TOR1B: variants seen among roughly 807,000 people sequenced by gnomAD.
TOR1B encodes the protein torsin family 1 member B.
TOR1B carries 14 observed loss-of-function variants against 29.2 expected under a neutral mutation model. The ratio of observed to expected loss-of-function variants is 0.48; its 90% CI spans 0.32 to 0.75. The LOEUF (loss-of-function observed/expected upper bound fraction) is 0.75. Among genes scored for constraint, TOR1B ranks in the 30% least tolerant of loss-of-function variants. The probability of loss-of-function intolerance (pLI) is 0.04; values close to 1 mark genes in which losing one functional copy is unlikely to be tolerated. For missense variants in TOR1B, 400 were observed against 433.9 expected (o/e 0.92, Z 0.69); for synonymous variants, 166 against 179.8 (o/e 0.92, Z 0.62).
intron 3 of TOR1B, among the ~76,000 whole-genome samples, chr9:129,808,391 CAGG>C (rs1008376390): frequency 6.6e-6 from 1 of 151,366 alleles, no homozygotes; most frequent in Admixed American, 6.6e-5. Flanking sequence ...CCCAGCTACT[CAGG>C]AGGTTGAGGC....
At chr9:129,807,467 C>A in intron 3 of TOR1B, 104 bp downstream of exon 3, 2 of 1,416,290 alleles carry the variant, frequency 1.4e-6, no homozygotes, top group Non-Finnish European at 1.9e-6. Context: ...GACGAAAGTG[C>A]CTGCTTGGCA....
intron 4 of TOR1B, among the ~76,000 whole-genome samples, 154 bp downstream of exon 4, chr9:129,809,186 T>C (rs2030684713): frequency 6.6e-6 from 1 of 152,130 alleles, no homozygotes; most frequent in South Asian, 2.1e-4. Flanking sequence ...TAGAAACCAG[T>C]GAGTGAGTGT....
Position 129,804,088 on chromosome 9 carries a change from TGGA to T in TOR1B, c.220_222del (p.Glu74del), listed in dbSNP as rs762436304. 15 of 1,614,074 alleles carry T rather than the reference TGGA, an allele frequency of 9.3e-6. No homozygotes were observed. Among genetic ancestry groups the T allele is most frequent in the South Asian group, 2.2e-5 (2 of 91,092 alleles). ...GTTCTTGCAGCTCTCAAGCTGGATT[TGGA>T]GGAGAAGCTGTTTGGACAGCATCTA... On this transcript the variant is annotated inframe_deletion, in exon 2 of 5. Transcript: ENST00000259339.
At position 129,809,423 on chromosome 9, in the gene TOR1B, T is replaced by C. The variant is rs199781534; in HGVS notation, c.851T>C (p.Val284Ala). 1 of 1,614,046 alleles carries C rather than the reference T, an allele frequency of 6.2e-7. No homozygotes were observed. The highest frequency in any genetic ancestry group is 2.2e-5 in the East Asian group (1 of 44,882). The change falls in exon 5 of 5, where the codon GTG becomes GCG. Residue 284 changes from valine to alanine, a missense_variant. Transcript: ENST00000259339. ...TTCCTGCCTTTGGAGTACAGACATG[T>C]GAAAATGTGTGTGAGGGCCGAGATG... ...IPFLPLEYRH[V>A]KMCVRAEMRA...
At chr9:129,806,626 C>T (rs544967639) in intron 2 of TOR1B, among the ~76,000 whole-genome samples, 1 of 152,220 alleles carries the variant, frequency 6.6e-6, no homozygotes, top group Non-Finnish European at 1.5e-5. Context: ...CCTGTAATCT[C>T]AGCACTTTGG....
Position 129,810,014 on chromosome 9 carries a change from GACAGAAGTACCTGAAA to G in TOR1B, c.*436_*451del. On this transcript the variant is annotated 3_prime_UTR_variant, in exon 5 of 5. Transcript: ENST00000259339. The stretch of plus-strand genomic sequence containing the variant: ...CCTTCACACTTAATGTACTGACCGA[GACAGAAGTACCTGAAA>G]ACAGCTGTGCATGGCAGGCCCGGCA... 1 of 1,200,696 alleles carries G rather than the reference GACAGAAGTACCTGAAA, an allele frequency of 8.3e-7. No homozygotes were observed. The highest frequency in any genetic ancestry group is 1.5e-5 in the South Asian group (1 of 65,662). 74.4% of individuals were successfully genotyped at this position (1,200,696 alleles called of 1,614,324 possible). A position where few individuals can be genotyped will look rare whatever the true frequency, so the allele number is the denominator to read the frequency against.
Position 129,807,344 on chromosome 9 carries a change from G to A in TOR1B, c.622G>A (p.Ala208Thr), listed in dbSNP as rs1362959966. The A allele has an allele frequency of 6.2e-7, 1 of 1,614,038 alleles. No homozygotes were observed. Among genetic ancestry groups the A allele is most frequent in the Non-Finnish European group, 8.5e-7 (1 of 1,179,974 alleles). ...GGTTGACGGAGTGTCTTACCGCAAA[G>A]CCATCTTCATCTTTCTCAGGTCAGC... ...EQVDGVSYRK[A>T]IFIFLSNAGG... Residue 208 changes from alanine to threonine, a missense_variant, in exon 3 of 5, where the codon GCC (alanine) becomes ACC (threonine). Physicochemically the swap from Ala to Thr is moderately conservative, Grantham distance 58. Coordinates refer to ENST00000259339, the MANE Select transcript of TOR1B (RefSeq NM_014506.3).
rs559947930 is a variant in TOR1B, at chr9:129,809,902, C to T, written c.*319C>T. 8.5e-5 allele frequency: 106 copies of T among 1,242,082 alleles called. No homozygotes were observed. In the African/African-American group the frequency reaches 1.3e-3, roughly 15 times the overall value. The allele number at this position is 1,242,082 out of a possible 1,614,324, so 76.9% of individuals were successfully genotyped here. On this transcript the variant is annotated 3_prime_UTR_variant, in exon 5 of 5. Coordinates refer to ENST00000259339, the MANE Select transcript of TOR1B (RefSeq NM_014506.3). ...ATCTAAGAGTTGATTGTGGAAAACA[C>T]GTGAATCTATTGCGCGCATTTGTCA... is the stretch of plus-strand genomic sequence containing the variant.
chr9:129,809,809 C>G lies in TOR1B; in HGVS notation c.*226C>G. On this transcript the variant is annotated 3_prime_UTR_variant, in exon 5 of 5. Transcript: ENST00000259339. ...ACCTCCGCTCCCGGTTTGAGTGATT[C>G]TCATGCCTCAGCCTCCCGAGTAGCT... is the stretch of plus-strand genomic sequence containing the variant. 5 of 1,383,024 alleles carry G rather than the reference C, an allele frequency of 3.6e-6. No individual in the cohort carries two copies. The highest frequency in any genetic ancestry group is 4.7e-6 in the Non-Finnish European group (5 of 1,067,606). 85.7% of individuals were successfully genotyped at this position (1,383,024 alleles called of 1,614,324 possible).
At position 129,810,469 on chromosome 9, in the gene TOR1B, A is replaced by G; in HGVS notation, c.*886A>G. 3 of 1,154,612 alleles carry G rather than the reference A, an allele frequency of 2.6e-6. No individual in the cohort carries two copies. The highest frequency in any genetic ancestry group is 3.4e-5 in the South Asian group (2 of 59,346). The allele number at this position is 1,154,612 out of a possible 1,614,324, so 71.5% of individuals were successfully genotyped here. ...TGGCTGTGGAATCCTTCACCGTCTCAGCTGGTATCAGCCCCAGCCTGCCTT... is the reference window on the plus strand; with the variant it reads ...TGGCTGTGGAATCCTTCACCGTCTCGGCTGGTATCAGCCCCAGCCTGCCTT... On this transcript the variant is annotated 3_prime_UTR_variant, in exon 5 of 5. Coordinates refer to ENST00000259339, the MANE Select transcript of TOR1B (RefSeq NM_014506.3).
chr9:129,806,009 T>A (rs2030456465), intron 2 of TOR1B, among the ~76,000 whole-genome samples: 1 of 151,658 alleles, frequency 6.6e-6, no homozygotes, highest in Non-Finnish European at 1.5e-5. Context: ...TAGTCCCAGC[T>A]ACTTGGGAGG....
chr9:129,807,454 C>G, intron 3 of TOR1B, 91 bp downstream of exon 3: 2 of 1,517,630 alleles, frequency 1.3e-6, no homozygotes, highest in Admixed American at 2.0e-5. Flanking sequence ...CTTTGTTTAC[C>G]AGGACGAAAG....
rs550970341 is a variant in TOR1B at position 129,809,584 on chromosome 9, G to C, written c.*1G>C. 6.2e-7 allele frequency: 1 copy of C among 1,614,108 alleles called. No individual in the cohort carries two copies. The highest frequency in any genetic ancestry group is 1.3e-5 in the African/African-American group (1 of 74,946). On this transcript the variant is annotated 3_prime_UTR_variant, in exon 5 of 5. Transcript: ENST00000259339. Reference sequence around the variant, plus strand: ...GCAGTCGCGGCTGGATTTCCACTGAGCTCCTATCCAGATGGGGTAGGAGAC... The same window carrying C: ...GCAGTCGCGGCTGGATTTCCACTGACCTCCTATCCAGATGGGGTAGGAGAC...
rs185610000 is a variant in TOR1B at position 129,809,903 on chromosome 9, G to A, written c.*320G>A. ...TCTAAGAGTTGATTGTGGAAAACAC[G>A]TGAATCTATTGCGCGCATTTGTCAT... On this transcript the variant is annotated 3_prime_UTR_variant, in exon 5 of 5. Coordinates refer to ENST00000259339, the MANE Select transcript of TOR1B (RefSeq NM_014506.3). 14 of 1,243,158 alleles carry A rather than the reference G, an allele frequency of 1.1e-5. No individual in the cohort carries two copies. In the Admixed American group the frequency reaches 2.8e-4, roughly 25 times the overall value. 77.0% of individuals were successfully genotyped at this position (1,243,158 alleles called of 1,614,324 possible).
rs563363039 is a variant in TOR1B, at chr9:129,807,403, A to G, written c.641+40A>G. 4 of 1,604,774 alleles carry G rather than the reference A, an allele frequency of 2.5e-6. No homozygotes were observed. In the South Asian group the frequency reaches 4.4e-5, roughly 18 times the overall value. On this transcript the variant is annotated intron_variant, in intron 3 of 4. Coordinates refer to ENST00000259339, the MANE Select transcript of TOR1B (RefSeq NM_014506.3). ...GTTTTTTGGGGCACACAAGCCCTTC[A>G]TTCTCTCAATGATAAAATGAGGTCC...
Position 129,809,438 on chromosome 9 carries a change from G to A in TOR1B, c.866G>A (p.Arg289Lys), listed in dbSNP as rs767165663. The change falls in exon 5 of 5, where the codon AGG (arginine) becomes AAG (lysine). Residue 289 changes from arginine (R) to lysine (K), a missense_variant. Arg to Lys is a conservative substitution (Grantham distance 26, BLOSUM62 2). Coordinates refer to ENST00000259339, the MANE Select transcript of TOR1B (RefSeq NM_014506.3). The part of the protein sequence containing the change: ...LEYRHVKMCV[R>K]AEMRARGSAI... ...TACAGACATGTGAAAATGTGTGTGA[G>A]GGCCGAGATGAGGGCCCGTGGTTCT... is the stretch of plus-strand genomic sequence containing the variant. 1.2e-6 allele frequency: 2 copies of A among 1,614,208 alleles called. No individual in the cohort carries two copies. Among genetic ancestry groups the A allele is most frequent in the South Asian group, 2.2e-5 (2 of 91,090 alleles).
At position 129,804,093 on chromosome 9, in the gene TOR1B, G is replaced by A. The variant is rs1588206684; in HGVS notation, c.220G>A (p.Glu74Lys). 6.2e-7 allele frequency: 1 copy of A among 1,614,178 alleles called. No individual in the cohort carries two copies. The highest frequency in any genetic ancestry group is 2.2e-5 in the East Asian group (1 of 44,884). ...TGCAGCTCTCAAGCTGGATTTGGAG[G>A]AGAAGCTGTTTGGACAGCATCTAGC... ...NASALKLDLE[E>K]KLFGQHLATE... is the part of the protein sequence containing the mutation. Residue 74 changes from glutamate to lysine, a missense_variant, in exon 2 of 5, where the codon GAG (glutamate) becomes AAG (lysine). Coordinates refer to ENST00000259339, the MANE Select transcript of TOR1B (RefSeq NM_014506.3).
Position 129,803,220 on chromosome 9 carries a change from G to C in TOR1B, c.8G>C (p.Arg3Pro), listed in dbSNP as rs1305984867. The C allele has an allele frequency of 5.3e-6, 8 of 1,511,728 alleles. No homozygotes were observed. The African/African-American group carries it at 8.6e-5, about 16-fold the overall frequency. The allele number at this position is 1,511,728 out of a possible 1,614,324, so 93.6% of individuals were successfully genotyped here. The change falls in exon 1 of 5, where the codon CGG becomes CCG. Residue 3 changes from arginine (R) to proline (P), a missense_variant. Physicochemically the swap from Arg to Pro is moderately radical, Grantham distance 103. Coordinates refer to ENST00000259339, the MANE Select transcript of TOR1B (RefSeq NM_014506.3). ML[R>P]AGWLRGAAAL... ...CGGGCTTCGAGGAGCGGGATGTTGC[G>C]GGCTGGGTGGCTCCGGGGCGCGGCG...
In TOR1B at chr9:129,810,831, A is replaced by G. The variant is rs1225367775; in HGVS notation, c.*1248A>G. On this transcript the variant is annotated 3_prime_UTR_variant, in exon 5 of 5. Transcript: ENST00000259339. The stretch of plus-strand genomic sequence containing the variant: ...TCCTTTCTCAGATACTCTTAAAACA[A>G]TTTTTTATTGTTAAATTTGTGGTAA... 1 of 153,302 alleles carries G rather than the reference A, an allele frequency of 6.5e-6. No homozygotes were observed. Among genetic ancestry groups the G allele is most frequent in the Non-Finnish European group, 1.5e-5 (1 of 68,840 alleles). 9.5% of individuals were successfully genotyped at this position (153,302 alleles called of 1,614,324 possible). A position where few individuals can be genotyped will look rare whatever the true frequency, so the allele number is the denominator to read the frequency against.
Sources: gnomAD v4.1 joint callset for allele counts (sites outside exome capture counted in the v4.1 genomes callset) on GRCh38, gnomAD v4.1.1 for gene constraint, MANE v1.5 for transcripts, NCBI Gene and HGNC (gene_info 2026-07-23, HGNC 2026-07-21) for gene names.